The following SUGCT variants were observed in gnomAD, a reference collection of about 807,000 sequenced individuals.
The protein encoded by SUGCT is succinyl-CoA:glutarate CoA-transferase.
Under a neutral mutation model 55.0 loss-of-function variants are expected in SUGCT, and 41 were observed. That is an observed-to-expected ratio of 0.74 (90% CI 0.58 to 0.97). SUGCT has a LOEUF of 0.97. SUGCT is among the 50% of genes least tolerant of loss of function. SUGCT has a pLI of 0.00. For synonymous variants in SUGCT, 187 were observed against 200.4 expected (o/e 0.93, Z 0.56); for missense variants, 568 against 547.8 (o/e 1.04, Z -0.37).
At chr7:40,653,361 C>T (rs999291513) in intron 12 of SUGCT, among the ~76,000 whole-genome samples, 2 of 152,188 alleles carry the variant, frequency 1.3e-5, no homozygotes. Flanking sequence ...CTTCTTATCT[C>T]TTAAGGACTT....
At chr7:40,248,337 T>C (rs965789339) in intron 7 of SUGCT, among the ~76,000 whole-genome samples, 3 of 151,616 alleles carry the variant, frequency 2.0e-5, no homozygotes, top group Non-Finnish European at 4.4e-5. Context: ...ACTTTTAGGG[T>C]TACCTAAACT....
intron 11 of SUGCT, among the ~76,000 whole-genome samples, chr7:40,491,482 G>C (rs78619948): frequency 1.3e-5 from 2 of 152,054 alleles, no homozygotes; most frequent in East Asian, 3.9e-4. Context: ...AAAATCTTCC[G>C]TGGTCATGAT....
intron 13 of SUGCT, among the ~76,000 whole-genome samples, chr7:40,816,370 C>T (rs553462273): frequency 2.0e-5 from 3 of 152,194 alleles, no homozygotes; most frequent in African/African-American, 7.2e-5. Flanking sequence ...CTTTCTCTTA[C>T]AACATCTTCA....
At chr7:40,217,657 T>G (rs1301543400) in intron 6 of SUGCT, 1 of 196,348 alleles carries the variant, frequency 5.1e-6, no homozygotes, top group African/African-American at 2.4e-5. Context: ...TCTGAATGGC[T>G]GTAGAAACAG....
the SUGCT span, among the ~76,000 whole-genome samples, chr7:40,897,882 C>T: frequency 1.3e-5 from 2 of 152,076 alleles, no homozygotes; most frequent in Non-Finnish European, 2.9e-5. Context: ...CCAATCAGCT[C>T]TCTGTAAAAT....
intron 13 of SUGCT, among the ~76,000 whole-genome samples, chr7:40,796,140 GA>G (rs985751469): frequency 4.0e-5 from 6 of 149,760 alleles, no homozygotes; most frequent in African/African-American, 1.2e-4. Flanking sequence ...TACCTTTCAG[GA>G]AAAAAAAACC....
intron 11 of SUGCT, among the ~76,000 whole-genome samples, chr7:40,465,029 C>T (rs950351401): frequency 6.6e-6 from 1 of 152,098 alleles, no homozygotes; most frequent in African/African-American, 2.4e-5. Context: ...TCAATGTAGT[C>T]CTAGTGAAGG....
At chr7:40,136,744 A>G (rs753065821) in intron 1 of SUGCT, among the ~76,000 whole-genome samples, 2 of 152,172 alleles carry the variant, frequency 1.3e-5, no homozygotes, top group Non-Finnish European at 2.9e-5. Context: ...TTGAATATTT[A>G]TTGAATAAAA....
At chr7:40,534,218 A>C (rs1471267992) in intron 12 of SUGCT, among the ~76,000 whole-genome samples, 1 of 152,194 alleles carries the variant, frequency 6.6e-6, no homozygotes, top group Non-Finnish European at 1.5e-5. Context: ...GTAACTTACC[A>C]CAGATTCTGT....
chr7:40,395,997 A>G (rs1277669895), intron 9 of SUGCT, among the ~76,000 whole-genome samples: 1 of 152,192 alleles, frequency 6.6e-6, no homozygotes, highest in Non-Finnish European at 1.5e-5. Flanking sequence ...GAGACTTCTG[A>G]GAACTAAAGC....
chr7:40,793,417 T>G (rs1053603064), intron 13 of SUGCT, among the ~76,000 whole-genome samples: 1 of 152,178 alleles, frequency 6.6e-6, no homozygotes, highest in Non-Finnish European at 1.5e-5. Context: ...TATACAAGAC[T>G]ATTTGCATTG....
chr7:40,371,505 G>C (rs545885853), intron 9 of SUGCT, among the ~76,000 whole-genome samples: 170 of 152,128 alleles, frequency 1.1e-3, no homozygotes, highest in African/African-American at 3.7e-3. Flanking sequence ...TGCACTTCAG[G>C]TTCCTAAAAG....
intron 8 of SUGCT, among the ~76,000 whole-genome samples, chr7:40,285,632 A>G (rs758850210): frequency 1.3e-5 from 2 of 152,142 alleles, no homozygotes; most frequent in Admixed American, 1.3e-4. Flanking sequence ...TTTGGTCCCA[A>G]CTATTATGCC....
chr7:40,693,787 C>T (rs955103068), intron 12 of SUGCT, among the ~76,000 whole-genome samples: 1 of 152,198 alleles, frequency 6.6e-6, no homozygotes, highest in African/African-American at 2.4e-5. Flanking sequence ...TATTTCTTCC[C>T]TAATCCAGTT....
At chr7:40,502,154 G>A (rs918793421) in intron 12 of SUGCT, among the ~76,000 whole-genome samples, 3 of 151,872 alleles carry the variant, frequency 2.0e-5, no homozygotes, top group Non-Finnish European at 4.4e-5. Flanking sequence ...TCTTTCTCTA[G>A]CATGTGCTAT....
At chr7:40,884,547 T>C in the SUGCT span, among the ~76,000 whole-genome samples, 1 of 152,176 alleles carries the variant, frequency 6.6e-6, no homozygotes, top group African/African-American at 2.4e-5. Flanking sequence ...TTGGCCCGCC[T>C]GTTCCGCAGT....
chr7:40,435,829 C>G (rs547844874), intron 9 of SUGCT, among the ~76,000 whole-genome samples: 1 of 151,938 alleles, frequency 6.6e-6, no homozygotes, highest in South Asian at 2.1e-4. Flanking sequence ...CTGTGACTCT[C>G]TATATATCTC....
intron 9 of SUGCT, 100 bp downstream of exon 9, chr7:40,316,955 GT>G (rs56989808): frequency 0.049 from 9,240 of 188,766 alleles, 16 homozygotes; most frequent in Middle Eastern, 0.1. Context: ...TCCTTCAGCT[GT>G]TTTTTTTTTT....
intron 12 of SUGCT, among the ~76,000 whole-genome samples, chr7:40,516,953 C>A (rs183660934): frequency 1.3e-5 from 2 of 151,964 alleles, no homozygotes; most frequent in African/African-American, 2.4e-5. Flanking sequence ...GTCTTCTGAT[C>A]GATGAAGGTG....
Sources: allele counts gnomAD v4.1 joint callset (sites outside exome capture counted in the v4.1 genomes callset), GRCh38; gene constraint gnomAD v4.1.1; transcripts MANE v1.5; gene names NCBI Gene and HGNC (gene_info 2026-07-23, HGNC 2026-07-21).